Variants in ATL1 observed in about 807,000 individuals in gnomAD.
ATL1 encodes atlastin-1.
A neutral mutation model predicts 75.5 loss-of-function variants in ATL1; 31 were observed. The ratio of observed to expected loss-of-function variants is 0.41; its 90% confidence interval spans 0.31 to 0.55. The LOEUF is 0.55. Ranked by LOEUF, ATL1 falls within the 20% of genes least tolerant of loss-of-function variation. ATL1 has a pLI of 0.27. For synonymous variants in ATL1, 226 were observed against 233.3 expected (o/e 0.97, Z 0.28); for missense variants, 405 against 662.6 (o/e 0.61, Z 4.27).
chr14:50,560,526 C>A, intron 1 of ATL1: 1 of 589,254 alleles, frequency 1.7e-6, no homozygotes, highest in South Asian at 2.0e-5. Flanking sequence ...TCGCGCAGGC[C>A]GGGCCTCCAG....
chr14:50,632,270 T>G lies in ATL1; in HGVS notation c.1608T>G (p.His536Gln). Residue 536 changes from histidine to glutamine, a missense_variant, in exon 14 of 14, where the codon CAT becomes CAG. This residue lies in a region of ATL1 where 163 missense variants were observed against 244.1 expected (regional missense o/e 0.67). Coordinates refer to ENST00000358385, the MANE Select transcript of ATL1 (RefSeq NM_015915.5). ...KLYSAAATHR[H>Q]LYHQAFPTPK... ...ACAGTGCAGCAGCAACCCACAGACATCTGTATCATCAAGCTTTCCCTACAC... is the reference window on the plus strand; with the variant it reads ...ACAGTGCAGCAGCAACCCACAGACAGCTGTATCATCAAGCTTTCCCTACAC... The G allele has an allele frequency of 6.2e-7, 1 of 1,612,182 alleles. No individual in the cohort carries two copies. Among genetic ancestry groups the G allele is most frequent in the East Asian group, 2.2e-5 (1 of 44,692 alleles).
chr14:50,587,421 T>G (rs1184886843), intron 1 of ATL1, among the ~76,000 whole-genome samples: 1 of 152,186 alleles, frequency 6.6e-6, no homozygotes, highest in African/African-American at 2.4e-5. Flanking sequence ...TTTTTCTTTT[T>G]CTTTTTTGAG....
At chr14:50,570,255 T>G (rs1023780270) in intron 1 of ATL1, among the ~76,000 whole-genome samples, 1 of 152,200 alleles carries the variant, frequency 6.6e-6, no homozygotes, top group African/African-American at 2.4e-5. Flanking sequence ...TTTCTATTCT[T>G]CAATGACTTG....
At chr14:50,548,364 A>G (rs182980607) in intron 1 of ATL1, among the ~76,000 whole-genome samples, 14 of 152,272 alleles carry the variant, frequency 9.2e-5, no homozygotes, top group African/African-American at 3.4e-4. Context: ...GAAAGCAAAA[A>G]TATTGGTGAA....
intron 8 of ATL1, among the ~76,000 whole-genome samples, chr14:50,616,027 T>A (rs2039411613): frequency 6.6e-6 from 1 of 152,198 alleles, no homozygotes; most frequent in Non-Finnish European, 1.5e-5. Context: ...AGGGTCTCAC[T>A]CTGTGGCCCA....
At chr14:50,564,961 A>G (rs564877913) in intron 1 of ATL1, among the ~76,000 whole-genome samples, 1 of 152,176 alleles carries the variant, frequency 6.6e-6, no homozygotes, top group Admixed American at 6.5e-5. Context: ...CATCTTCTAT[A>G]TACCTAATTC....
At chr14:50,545,467 T>G (rs533901337) in intron 1 of ATL1, among the ~76,000 whole-genome samples, 3 of 151,940 alleles carry the variant, frequency 2.0e-5, no homozygotes, top group African/African-American at 4.8e-5. Context: ...CCATGTGGGG[T>G]GAAATAGTCC....
chr14:50,614,646 T>A (rs1443654175), intron 8 of ATL1, 135 bp downstream of exon 8: 7 of 1,011,772 alleles, frequency 6.9e-6, no homozygotes, highest in Non-Finnish European at 1.0e-5. Context: ...GTCAGGAGAA[T>A]AGGGCATCCT....
At chr14:50,624,799 G>A (rs1352419387) in intron 11 of ATL1, among the ~76,000 whole-genome samples, 1 of 152,020 alleles carries the variant, frequency 6.6e-6, no homozygotes, top group East Asian at 1.9e-4. Context: ...GCTGGGCCCA[G>A]TGGCTTACAC....
intron 11 of ATL1, among the ~76,000 whole-genome samples, chr14:50,625,007 T>C (rs2039503536): frequency 6.7e-6 from 1 of 148,946 alleles, no homozygotes; most frequent in Non-Finnish European, 1.5e-5. Flanking sequence ...GAGGCAGAGG[T>C]TGCAATGAGC....
At chr14:50,590,280 A>G (rs983199699) in intron 2 of ATL1, among the ~76,000 whole-genome samples, 2 of 152,168 alleles carry the variant, frequency 1.3e-5, no homozygotes, top group African/African-American at 4.8e-5. Context: ...TACCACAACT[A>G]TGATGATAAT....
At chr14:50,575,061 T>C (rs1162175012) in intron 1 of ATL1, among the ~76,000 whole-genome samples, 1 of 149,790 alleles carries the variant, frequency 6.7e-6, no homozygotes, top group African/African-American at 2.5e-5. Flanking sequence ...CTATCTATTT[T>C]AATTAGTTTG....
intron 1 of ATL1, among the ~76,000 whole-genome samples, chr14:50,563,728 C>T (rs73289896): frequency 0.044 from 6,727 of 152,158 alleles, 471 homozygotes; most frequent in African/African-American, 0.15. Context: ...GAATTGAGGA[C>T]GATGTTTGAA....
At chr14:50,544,289 A>G (rs2038600595) in intron 1 of ATL1, among the ~76,000 whole-genome samples, 1 of 152,234 alleles carries the variant, frequency 6.6e-6, no homozygotes, top group South Asian at 2.1e-4. Flanking sequence ...CCTTGGGCCC[A>G]ATAACTACCC....
chr14:50,539,954 T>C (rs1394965730), intron 1 of ATL1, among the ~76,000 whole-genome samples: 1 of 152,116 alleles, frequency 6.6e-6, no homozygotes, highest in Non-Finnish European at 1.5e-5. Flanking sequence ...TTCTGCTTAG[T>C]CAAACTCTAT....
At chr14:50,534,387 A>C (rs1454419334) in intron 1 of ATL1, among the ~76,000 whole-genome samples, 3 of 152,256 alleles carry the variant, frequency 2.0e-5, no homozygotes, top group African/African-American at 7.2e-5. Flanking sequence ...GATCAAGAAG[A>C]GGCATATATT....
chr14:50,610,865 C>T (rs969048234), intron 6 of ATL1, among the ~76,000 whole-genome samples: 7 of 152,014 alleles, frequency 4.6e-5, no homozygotes, highest in Admixed American at 1.3e-4. Context: ...TTTCTTTTTC[C>T]GTCTAGTTCC....
intron 1 of ATL1, among the ~76,000 whole-genome samples, chr14:50,573,212 T>C (rs2038970535): frequency 6.6e-6 from 1 of 152,198 alleles, no homozygotes; most frequent in Non-Finnish European, 1.5e-5. Flanking sequence ...CATAATATTT[T>C]TTTTACCCAT....
intron 6 of ATL1, among the ~76,000 whole-genome samples, chr14:50,605,291 C>G (rs374578197): frequency 2.0e-5 from 3 of 149,270 alleles, no homozygotes; most frequent in African/African-American, 7.7e-5. Flanking sequence ...CTATAGGTTC[C>G]TGATTCATAG....
Sources: gnomAD v4.1 joint callset for allele counts (sites outside exome capture counted in the v4.1 genomes callset) on GRCh38, gnomAD v4.1.1 for gene constraint, gnomAD v4.1.1 regional missense constraint, MANE v1.5 for transcripts, NCBI Gene and HGNC (gene_info 2026-07-23, HGNC 2026-07-21) for gene names.